The following EFHC1 variants were observed in gnomAD, a reference collection of about 807,000 sequenced individuals.
The protein encoded by EFHC1 is EF-hand domain containing 1, also known as EF-hand domain-containing protein 1.
A neutral mutation model predicts 69.9 loss-of-function variants in EFHC1; 53 were observed. The ratio of observed to expected loss-of-function variants is 0.76; its 90% CI spans 0.61 to 0.95. EFHC1 has a LOEUF of 0.95. EFHC1 is among the 40% of genes least tolerant of loss of function. The probability of loss-of-function intolerance (pLI) is 0.00; values close to 1 mark genes in which losing one functional copy is unlikely to be tolerated. For missense variants in EFHC1, 739 were observed against 798.7 expected, an observed-to-expected ratio of 0.93 and a Z score of 0.90; for synonymous variants, 256 against 278.4, an observed-to-expected ratio of 0.92 and a Z score of 0.80.
At chr6:52,437,884 G>A (rs144016320) in intron 2 of EFHC1, among the ~76,000 whole-genome samples, 192 of 152,258 alleles carry the variant, frequency 1.3e-3, no homozygotes, top group Non-Finnish European at 2.0e-3. Flanking sequence ...TTGGGGATGA[G>A]GGGGACACAA....
intron 7 of EFHC1, among the ~76,000 whole-genome samples, chr6:52,475,621 A>G (rs1765529576): frequency 6.6e-6 from 1 of 152,178 alleles, no homozygotes; most frequent in South Asian, 2.1e-4. Flanking sequence ...GCCTCTGTTT[A>G]TTTTATTTAC....
chr6:52,465,845 AT>A (rs1327208707), intron 6 of EFHC1, among the ~76,000 whole-genome samples: 2 of 148,216 alleles, frequency 1.3e-5, no homozygotes, highest in African/African-American at 4.9e-5. Context: ...TCTATATAAT[AT>A]ATATAATATC....
intron 3 of EFHC1, among the ~76,000 whole-genome samples, chr6:52,440,431 G>T (rs1764636007): frequency 6.6e-6 from 1 of 151,880 alleles, no homozygotes; most frequent in Non-Finnish European, 1.5e-5. Context: ...CCTTTAAACA[G>T]CAAAATCACC....
At chr6:52,479,830 A>C (rs779762440) in intron 9 of EFHC1, 43 bp downstream of exon 9, 3 of 1,610,832 alleles carry the variant, frequency 1.9e-6, no homozygotes, top group Non-Finnish European at 2.5e-6. Context: ...CAAGATATTC[A>C]GGAAGTAATT....
intron 1 of EFHC1, among the ~76,000 whole-genome samples, chr6:52,422,453 C>T (rs908122747): frequency 2.0e-5 from 3 of 152,034 alleles, no homozygotes; most frequent in African/African-American, 7.2e-5. Context: ...AAACAAATGT[C>T]ATACATTTGT....
chr6:52,458,530 G>A (rs1405735278), intron 5 of EFHC1, among the ~76,000 whole-genome samples: 1 of 152,072 alleles, frequency 6.6e-6, no homozygotes, highest in Non-Finnish European at 1.5e-5. Flanking sequence ...ACATACAAAT[G>A]GACAACAAAC....
At chr6:52,444,102 T>A (rs1764727270) in intron 3 of EFHC1, among the ~76,000 whole-genome samples, 1 of 152,206 alleles carries the variant, frequency 6.6e-6, no homozygotes, top group Admixed American at 6.5e-5. Context: ...CTGTTATTGG[T>A]GTATAAGAAT....
intron 9 of EFHC1, chr6:52,487,146 T>A (rs1233832895): frequency 1.3e-5 from 2 of 151,896 alleles, no homozygotes; most frequent in Non-Finnish European, 2.9e-5. Context: ...TGAATAGGAG[T>A]GGCTATATTT....
chr6:52,433,595 G>A (rs113996765), intron 2 of EFHC1, among the ~76,000 whole-genome samples: 2,911 of 152,244 alleles, frequency 0.019, 47 homozygotes, highest in Non-Finnish European at 0.028. Flanking sequence ...GGGGTGAAAC[G>A]GACTCTGTGA....
intron 5 of EFHC1, 101 bp downstream of exon 5, chr6:52,454,388 C>A: frequency 1.4e-6 from 2 of 1,460,112 alleles, no homozygotes; most frequent in Non-Finnish European, 1.9e-6. Context: ...TTGGAAGCCT[C>A]TAGCTATTTT....
At chr6:52,434,481 C>T (rs937262632) in intron 2 of EFHC1, among the ~76,000 whole-genome samples, 2 of 152,202 alleles carry the variant, frequency 1.3e-5, no homozygotes, top group African/African-American at 4.8e-5. Context: ...TGTTCGGGGA[C>T]AGATGATCTC....
intron 5 of EFHC1, among the ~76,000 whole-genome samples, chr6:52,456,266 A>C (rs1765042344): frequency 1.3e-5 from 2 of 152,232 alleles, no homozygotes; most frequent in Non-Finnish European, 2.9e-5. Context: ...ATATTCTTAT[A>C]ATCAGTTCTC....
intron 5 of EFHC1, among the ~76,000 whole-genome samples, chr6:52,461,331 T>C (rs1199758780): frequency 6.6e-6 from 1 of 152,230 alleles, no homozygotes; most frequent in African/African-American, 2.4e-5. Context: ...CTTGATTTTC[T>C]GTTCCTGCAT....
chr6:52,474,744 A>C (rs749122029), intron 7 of EFHC1, among the ~76,000 whole-genome samples: 2 of 152,206 alleles, frequency 1.3e-5, no homozygotes, highest in Non-Finnish European at 2.9e-5. Context: ...TCCAGACACA[A>C]AAGAATGCAT....
chr6:52,420,600 T>C, intron 1 of EFHC1, 127 bp downstream of exon 1: 1 of 1,148,920 alleles, frequency 8.7e-7, no homozygotes, highest in South Asian at 1.3e-5. Context: ...TCTTCTGTCC[T>C]GACCCTGTTC....
At position 52,494,615 on chromosome 6, in the gene EFHC1, G is replaced by T; in HGVS notation, c.*2274G>T. On this transcript the variant is annotated 3_prime_UTR_variant, in exon 11 of 11. Transcript: ENST00000371068. ...CTTTTTGGATTCAGGGGGTACATGTGCAGGTTTGTTACATGAGTATATTGC... is the reference window on the plus strand; with the variant it reads ...CTTTTTGGATTCAGGGGGTACATGTTCAGGTTTGTTACATGAGTATATTGC... The T allele has an allele frequency of 4.4e-6, 2 of 453,974 alleles. No individual in the cohort carries two copies. The highest frequency in any genetic ancestry group is 3.1e-5 in the South Asian group (2 of 64,472). 28.1% of individuals were successfully genotyped at this position (453,974 alleles called of 1,614,324 possible).
Position 52,496,968 on chromosome 6 carries a change from A to G in EFHC1, c.*4627A>G, listed in dbSNP as rs184555321. ...GTAAGTGACACCAGCAATCCCCACT[A>G]TTACTAATACTTGGATGTCTTCTAG... On this transcript the variant is annotated 3_prime_UTR_variant, in exon 11 of 11. Transcript: ENST00000371068. 33 of 152,296 alleles carry G rather than the reference A, an allele frequency of 2.2e-4. No homozygotes were observed. Among genetic ancestry groups the G allele is most frequent in the Admixed American group, 2.0e-3 (31 of 15,296 alleles). 9.4% of individuals were successfully genotyped at this position (152,296 alleles called of 1,614,324 possible).
At chr6:52,458,727 A>G (rs1055779815) in intron 5 of EFHC1, among the ~76,000 whole-genome samples, 8 of 152,234 alleles carry the variant, frequency 5.3e-5, no homozygotes, top group African/African-American at 1.9e-4. Flanking sequence ...TTTCTCCAAA[A>G]GTAGAACTAC....
At chr6:52,441,688 G>A (rs1764668736) in intron 3 of EFHC1, among the ~76,000 whole-genome samples, 1 of 152,098 alleles carries the variant, frequency 6.6e-6, no homozygotes, top group Non-Finnish European at 1.5e-5. Flanking sequence ...CATTGCTTTG[G>A]GCAGTATGGT....
Sources: allele counts gnomAD v4.1 joint callset (sites outside exome capture counted in the v4.1 genomes callset), GRCh38; gene constraint gnomAD v4.1.1; transcripts MANE v1.5; gene names NCBI Gene and HGNC (gene_info 2026-07-23, HGNC 2026-07-21).